SEC14L4: variants seen among roughly 807,000 people sequenced by gnomAD.
The protein encoded by SEC14L4 is SEC14 like lipid binding 4, also known as SEC14-like protein 4.
In SEC14L4, 42 loss-of-function variants were observed where a neutral mutation model predicts 55.1. That is an observed-to-expected ratio of 0.76 (90% CI 0.60 to 0.99). The LOEUF (loss-of-function observed/expected upper bound fraction) is 0.99. SEC14L4 is among the 50% of genes least tolerant of loss of function. The pLI, the probability that SEC14L4 is intolerant of heterozygous loss-of-function variation, is 0.00. For synonymous variants in SEC14L4, 206 were observed against 206.8 expected, an observed-to-expected ratio of 1.00 and a Z score of 0.03; for missense variants, 445 against 512.1, an observed-to-expected ratio of 0.87 and a Z score of 1.27.
At chr22:30,490,361 T>C in intron 11 of SEC14L4, 115 bp from the exon 12 acceptor site, 3 of 1,522,788 alleles carry the variant, frequency 2.0e-6, no homozygotes, top group Non-Finnish European at 1.8e-6. Flanking sequence ...CCCTGGAACG[T>C]CCTGCATCCC....
At chr22:30,494,724 C>T in intron 6 of SEC14L4, 142 bp downstream of exon 6, 1 of 628,700 alleles carries the variant, frequency 1.6e-6, no homozygotes, top group Non-Finnish European at 2.9e-6. Context: ...GGTCTCTAGG[C>T]CAGCATCATT....
chr22:30,504,703 G>A (rs1040615543), intron 1 of SEC14L4, among the ~76,000 whole-genome samples: 1 of 152,162 alleles, frequency 6.6e-6, no homozygotes, highest in Non-Finnish European at 1.5e-5. Flanking sequence ...GAGAAGCCAG[G>A]AATGCCTTAT....
intron 2 of SEC14L4, among the ~76,000 whole-genome samples, chr22:30,502,376 G>C (rs1242140654): frequency 2.6e-5 from 4 of 152,130 alleles, no homozygotes; most frequent in African/African-American, 9.7e-5. Flanking sequence ...ACAGGCACAT[G>C]CTAGCACTGG....
At chr22:30,493,733 G>A (rs1032314005) in intron 7 of SEC14L4, among the ~76,000 whole-genome samples, 2 of 152,196 alleles carry the variant, frequency 1.3e-5, no homozygotes, top group Admixed American at 6.5e-5. Flanking sequence ...GCCGGGTGCG[G>A]TGGCTCACAT....
intron 2 of SEC14L4, among the ~76,000 whole-genome samples, chr22:30,498,124 C>CTTTTTTTTTTTTT (rs869157636): frequency 7.1e-5 from 7 of 98,348 alleles, no homozygotes; most frequent in Non-Finnish European, 7.8e-5. Context: ...TTTTCATTAT[C>CTTTTTTTTTTTTT]TTTTTTTTTT....
chr22:30,494,687 T>C (rs896331902), intron 6 of SEC14L4, among the ~76,000 whole-genome samples, 179 bp downstream of exon 6: 14 of 152,162 alleles, frequency 9.2e-5, no homozygotes, highest in African/African-American at 3.4e-4. Context: ...TTTGTGTTAA[T>C]CTTGCTCCCC....
chr22:30,504,164 C>T (rs1383615802), intron 1 of SEC14L4, among the ~76,000 whole-genome samples: 3 of 151,842 alleles, frequency 2.0e-5, no homozygotes, highest in Non-Finnish European at 4.4e-5. Flanking sequence ...TTCAATAGAT[C>T]CTCCCAGCTC....
chr22:30,503,941 T>C (rs959790320), intron 1 of SEC14L4, among the ~76,000 whole-genome samples, 189 bp from the exon 2 acceptor site: 1 of 152,082 alleles, frequency 6.6e-6, no homozygotes, highest in Non-Finnish European at 1.5e-5. Context: ...AAGAGTTGGG[T>C]CCTTCCCAAA....
At chr22:30,500,946 C>A (rs1343555775) in intron 2 of SEC14L4, among the ~76,000 whole-genome samples, 1 of 150,820 alleles carries the variant, frequency 6.6e-6, no homozygotes, top group African/African-American at 2.4e-5. Flanking sequence ...CTGTAATCCC[C>A]GCACTTTGAG....
At chr22:30,500,462 A>G (rs1040193044) in intron 2 of SEC14L4, among the ~76,000 whole-genome samples, 3 of 151,878 alleles carry the variant, frequency 2.0e-5, no homozygotes, top group African/African-American at 7.3e-5. Context: ...TTGCTTTTTG[A>G]GACAAGCCAT....
chr22:30,503,892 C>T, intron 1 of SEC14L4, 140 bp from the exon 2 acceptor site: 1 of 578,844 alleles, frequency 1.7e-6, no homozygotes. Context: ...ACGACTTTGC[C>T]ATCTGAAAAT....
intron 2 of SEC14L4, among the ~76,000 whole-genome samples, chr22:30,500,163 C>T (rs1203928829): frequency 6.6e-6 from 1 of 152,144 alleles, no homozygotes. Context: ...AGCCACCGCG[C>T]CCGGCCAACT....
Position 30,489,635 on chromosome 22 carries a change from G to A in SEC14L4, c.*472C>T, listed in dbSNP as rs1189299062. On this transcript the variant is annotated 3_prime_UTR_variant, in exon 12 of 12. Transcript: ENST00000255858. ...ACCCTCACCCAGCTGCCTCCAGCTG[G>A]GCCTGCCCACCCCTGCTGACCTCCT... is the stretch of plus-strand genomic sequence containing the variant. 1.5e-5 allele frequency: 9 copies of A among 591,524 alleles called. No individual in the cohort carries two copies. Among genetic ancestry groups the A allele is most frequent in the Non-Finnish European group, 2.7e-5 (9 of 332,424 alleles). The allele number at this position is 591,524 out of a possible 1,614,324, so 36.6% of individuals were successfully genotyped here.
chr22:30,495,386 A>T lies in SEC14L4; in HGVS notation c.291T>A (p.Pro97=), dbSNP rs1452513669. The change falls in exon 5 of 12, where the codon CCT becomes CCA. Residue 97 remains proline (P), a synonymous_variant. Coordinates refer to ENST00000255858, the MANE Select transcript of SEC14L4 (RefSeq NM_174977.4). ...GGGACCCAATGATGTTGAAGTACAC[A>T]GGGCAGCCTTCGTAGTCGTAGCCAC... ...GLCGYDYEGC[P]VYFNIIGSLD... 6.2e-7 allele frequency: 1 copy of T among 1,613,982 alleles called. No homozygotes were observed. The highest frequency in any genetic ancestry group is 8.5e-7 in the Non-Finnish European group (1 of 1,180,022).
chr22:30,492,073 A>G lies in SEC14L4; in HGVS notation c.747T>C (p.Asp249=), dbSNP rs773449653. The part of the protein sequence containing the change: ...VEFGGTMTDP[D]GNPKCLTKIN... ...CCTTGGTCAGGCACTTGGGGTTGCC[A>G]TCGGGGTCAGTCATGGTCCCCCCAA... Residue 249 remains aspartate (D), a synonymous_variant, in exon 9 of 12, where the codon GAT becomes GAC. Transcript: ENST00000255858. 12 of 1,613,780 alleles carry G rather than the reference A, an allele frequency of 7.4e-6. No homozygotes were observed. Among genetic ancestry groups the G allele is most frequent in the Non-Finnish European group, 9.3e-6 (11 of 1,179,816 alleles).
chr22:30,497,363 A>G (rs1001185341), intron 2 of SEC14L4, among the ~76,000 whole-genome samples: 4 of 151,322 alleles, frequency 2.6e-5, no homozygotes, highest in Non-Finnish European at 2.9e-5. Context: ...AACAACAACA[A>G]CAAACACAAA....
intron 2 of SEC14L4, among the ~76,000 whole-genome samples, chr22:30,498,266 GCA>G (rs1230541973): frequency 6.6e-6 from 1 of 151,862 alleles, no homozygotes; most frequent in Non-Finnish European, 1.5e-5. Flanking sequence ...GGGACTACAG[GCA>G]TGCACCGCCA....
chr22:30,489,893 A>G lies in SEC14L4; in HGVS notation c.*214T>C, dbSNP rs962848486. On this transcript the variant is annotated 3_prime_UTR_variant, in exon 12 of 12. Coordinates refer to ENST00000255858, the MANE Select transcript of SEC14L4 (RefSeq NM_174977.4). ...AGCCGCATTCTCTGGGAACAGGGAA[A>G]GAGGTTCCTGTCTGAATCTTCAGCA... The G allele has an allele frequency of 3.2e-6, 5 of 1,551,686 alleles. No individual in the cohort carries two copies. In the African/African-American group the frequency reaches 5.5e-5, roughly 17 times the overall value.
Position 30,491,633 on chromosome 22 carries a change from G to A in SEC14L4, c.1021C>T (p.Arg341Cys), listed in dbSNP as rs199909190. The A allele has an allele frequency of 6.9e-5, 112 of 1,614,040 alleles. No homozygotes were observed. The highest frequency in any genetic ancestry group is 8.9e-5 in the Non-Finnish European group (105 of 1,180,024). The change falls in exon 11 of 12, where the codon CGC becomes TGC. Residue 341 changes from arginine to cysteine, a missense_variant. Physicochemically the swap from Arg to Cys is radical, Grantham distance 180. Transcript: ENST00000255858. ...REMTEVLPSQRYNAHMVPEDG... is the reference protein window; with the variant it reads ...REMTEVLPSQCYNAHMVPEDG... The stretch of plus-strand genomic sequence containing the variant: ...TCAGGCACCATGTGGGCATTGTAGC[G>A]CTGGCTGGGCAGCACCTCCGTCATC...
Sources: allele counts gnomAD v4.1 joint callset (sites outside exome capture counted in the v4.1 genomes callset), GRCh38; gene constraint gnomAD v4.1.1; transcripts MANE v1.5; gene names NCBI Gene and HGNC (gene_info 2026-07-23, HGNC 2026-07-21).